The following USP33 variants were observed in gnomAD, a reference collection of about 807,000 sequenced individuals.
The protein encoded by USP33 is ubiquitin carboxyl-terminal hydrolase 33.
In USP33, 46 loss-of-function variants were observed where a neutral mutation model predicts 124.2. The ratio of observed to expected loss-of-function variants is 0.37; its 90% confidence interval spans 0.29 to 0.47. USP33 has a LOEUF of 0.47. Ranked by LOEUF, USP33 falls within the 20% of genes least tolerant of loss-of-function variation. The pLI is 0.99. For missense variants in USP33, 851 were observed against 1,070.6 expected, an observed-to-expected ratio of 0.79 and a Z score of 2.86; for synonymous variants, 350 against 352.3, an observed-to-expected ratio of 0.99 and a Z score of 0.07.
chr1:77,728,508 A>T lies in USP33; in HGVS notation c.922T>A (p.Phe308Ile). ...RAENENGSRC[F>I]SEDNNETTML... ...GTTGTTTCATTATTATCTTCAGAAA[A>T]GCATCTAGAGCCATTTTCATTTTCT... is the stretch of plus-strand genomic sequence containing the variant. Residue 308 changes from phenylalanine to isoleucine, a missense_variant, in exon 10 of 24, where the codon TTT becomes ATT. Physicochemically the swap from Phe to Ile is conservative, Grantham distance 21 (BLOSUM62 0). This residue lies in a region of USP33 where 207 missense variants were observed against 200.9 expected (regional missense o/e 1.03). Transcript: ENST00000370794. 6.2e-7 allele frequency: 1 copy of T among 1,614,150 alleles called. No homozygotes were observed.
At chr1:77,721,232 G>T (rs571181637) in intron 14 of USP33, 27 bp from the exon 15 acceptor site, 1 of 1,613,442 alleles carries the variant, frequency 6.2e-7, no homozygotes, top group South Asian at 1.1e-5. Context: ...TCTGGCATTG[G>T]TTTCAAATTA....
Position 77,715,810 on chromosome 1 carries a change from A to G in USP33, c.1977T>C (p.Asp659=). 1 of 1,614,018 alleles carries G rather than the reference A, an allele frequency of 6.2e-7. No individual in the cohort carries two copies. Among genetic ancestry groups the G allele is most frequent in the Non-Finnish European group, 8.5e-7 (1 of 1,179,942 alleles). Residue 659 remains aspartate (D), a synonymous_variant, in exon 18 of 24, where the codon GAT becomes GAC. Transcript: ENST00000370794. The part of the protein sequence containing the change: ...NNLNNLWYEF[D]DQSVTEVSES... ...CTGAAACTTCAGTGACACTCTGATC[A>G]TCAAATTCATACCAGAGATTATTTA...
intron 1 of USP33, among the ~76,000 whole-genome samples, chr1:77,747,360 T>C (rs532402528): frequency 6.7e-6 from 1 of 149,314 alleles, no homozygotes; most frequent in Non-Finnish European, 1.5e-5. Context: ...ACCCAAACAA[T>C]TCCACTGCCG....
At chr1:77,751,956 G>A (rs777308893) in intron 1 of USP33, among the ~76,000 whole-genome samples, 8 of 151,948 alleles carry the variant, frequency 5.3e-5, no homozygotes, top group African/African-American at 9.7e-5. Context: ...CCAAAGTGCT[G>A]GGATTACAGG....
intron 15 of USP33, among the ~76,000 whole-genome samples, chr1:77,719,141 A>C (rs1676271500): frequency 6.6e-6 from 1 of 151,838 alleles, no homozygotes; most frequent in Non-Finnish European, 1.5e-5. Flanking sequence ...CGGGCCGATC[A>C]TAAGGTCAGG....
intron 9 of USP33, among the ~76,000 whole-genome samples, chr1:77,729,316 T>A (rs1677522080): frequency 6.6e-6 from 1 of 150,724 alleles, no homozygotes; most frequent in Non-Finnish European, 1.5e-5. Context: ...GAGGATCGTT[T>A]GAGTCAGGAG....
intron 16 of USP33, 42 bp from the exon 17 acceptor site, chr1:77,718,089 AAAC>A: frequency 6.6e-7 from 1 of 1,518,010 alleles, no homozygotes; most frequent in Non-Finnish European, 8.9e-7. Context: ...TCAATACAGA[AAAC>A]AAAAAGCATT....
chr1:77,738,789 A>T (rs939858930), intron 5 of USP33, among the ~76,000 whole-genome samples: 2 of 152,180 alleles, frequency 1.3e-5, no homozygotes, highest in African/African-American at 4.8e-5. Flanking sequence ...CCAAAGGGAG[A>T]AAAATCTTTA....
At chr1:77,755,524 C>A (rs552229244) in intron 1 of USP33, among the ~76,000 whole-genome samples, 1 of 152,212 alleles carries the variant, frequency 6.6e-6, no homozygotes, top group South Asian at 2.1e-4. Flanking sequence ...GGTGAAACCC[C>A]CATTTCTACC....
rs138155156 is a variant in USP33, at chr1:77,742,837, G to C, written c.-51-1089C>G. On this transcript the variant is annotated intron_variant, in intron 1 of 23. Transcript: ENST00000370794. ...TATAAGTTATTCAATAAACCATGCA[G>C]GTCTATGTAATAGTTTATAACTATA... Among the ~76,000 whole-genome samples, 238 of 152,182 alleles carry C rather than the reference G, an allele frequency of 1.6e-3. 2 individuals are homozygous for C. Among genetic ancestry groups the C allele is most frequent in the Non-Finnish European group, 4.7e-4 (32 of 67,998 alleles).
At chr1:77,698,529 T>C (rs1673658417) in intron 22 of USP33, among the ~76,000 whole-genome samples, 2 of 146,704 alleles carry the variant, frequency 1.4e-5, no homozygotes, top group Non-Finnish European at 1.5e-5. Context: ...AGACGGAGTC[T>C]CGCTCTGTTG....
At chr1:77,747,579 G>A (rs1189802791) in intron 1 of USP33, among the ~76,000 whole-genome samples, 2 of 151,980 alleles carry the variant, frequency 1.3e-5, no homozygotes, top group African/African-American at 2.4e-5. Flanking sequence ...TATTCCATTG[G>A]TCAATATGTC....
intron 1 of USP33, among the ~76,000 whole-genome samples, chr1:77,758,175 C>CTTTTTT (rs1185358841): frequency 3.3e-4 from 31 of 94,298 alleles, no homozygotes; most frequent in Non-Finnish European, 4.3e-4. Flanking sequence ...TTGTACTGTC[C>CTTTTTT]TTTTTTTTTT....
At chr1:77,718,182 A>C in intron 16 of USP33, 135 bp from the exon 17 acceptor site, 1 of 779,860 alleles carries the variant, frequency 1.3e-6, no homozygotes, top group Non-Finnish European at 2.0e-6. Flanking sequence ...TTATGAAGTT[A>C]TTTAGATTTT....
intron 21 of USP33, 155 bp downstream of exon 21, chr1:77,711,592 T>C (rs1415671400): frequency 2.5e-6 from 3 of 1,201,162 alleles, no homozygotes; most frequent in Non-Finnish European, 3.4e-6. Flanking sequence ...AGAACTGTAG[T>C]GAACTGCCTG....
intron 1 of USP33, among the ~76,000 whole-genome samples, chr1:77,746,901 A>G (rs929875869): frequency 1.3e-5 from 2 of 152,188 alleles, no homozygotes; most frequent in Admixed American, 6.5e-5. Context: ...GAGCTATGTT[A>G]TAATATTTCA....
intron 13 of USP33, 25 bp downstream of exon 13, chr1:77,721,999 T>C: frequency 1.2e-6 from 2 of 1,607,834 alleles, no homozygotes; most frequent in Non-Finnish European, 1.7e-6. Context: ...AACAATCATG[T>C]AATACAAAGA....
intron 21 of USP33, among the ~76,000 whole-genome samples, chr1:77,704,312 T>C (rs1470119644): frequency 6.6e-6 from 1 of 152,184 alleles, no homozygotes; most frequent in Non-Finnish European, 1.5e-5. Flanking sequence ...CTTTCTGTGA[T>C]GTGCAACTTA....
Position 77,697,387 on chromosome 1 carries a change from G to A in USP33, c.2666C>T (p.Pro889Leu), listed in dbSNP as rs536338059. The change falls in exon 24 of 24, where the codon CCG becomes CTG. Residue 889 changes from proline (P) to leucine (L), a missense_variant. By Grantham distance (98) the Pro-to-Leu change is moderately conservative (BLOSUM62 -3). Transcript: ENST00000370794. ...GGGPEVILRP[P>L]VVHVDPDILQ... Reference sequence around the variant, plus strand: ...TATATCTGGATCAACATGAACAACCGGAGGTCGCAGGATAACTTCAGGCCC... The same window carrying A: ...TATATCTGGATCAACATGAACAACCAGAGGTCGCAGGATAACTTCAGGCCC... 153 of 1,612,782 alleles carry A rather than the reference G, an allele frequency of 9.5e-5. No individual in the cohort carries two copies. The South Asian group carries it at 1.1e-3, about 12-fold the overall frequency.
Sources: gnomAD v4.1 joint callset for allele counts (sites outside exome capture counted in the v4.1 genomes callset) on GRCh38, gnomAD v4.1.1 for gene constraint, gnomAD v4.1.1 regional missense constraint, MANE v1.5 for transcripts, NCBI Gene and HGNC (gene_info 2026-07-23, HGNC 2026-07-21) for gene names.